ABI3BP: variants seen among roughly 807,000 people sequenced by gnomAD.
ABI3BP encodes the protein target of Nesh-SH3.
ABI3BP carries 216 observed loss-of-function variants against 268.6 expected under a neutral mutation model. The ratio of observed to expected loss-of-function variants is 0.80; its 90% CI spans 0.72 to 0.90. ABI3BP has a LOEUF of 0.90. Among genes scored for constraint, ABI3BP ranks in the 40% least tolerant of loss-of-function variants. The pLI is 0.00. For synonymous variants in ABI3BP, 730 were observed against 730.0 expected, an observed-to-expected ratio of 1.00 and a Z score of 0.00; for missense variants, 2,090 against 2,182.4, an observed-to-expected ratio of 0.96 and a Z score of 0.84.
chr3:100,915,433 A>G lies in ABI3BP; in HGVS notation c.259+10869T>C, dbSNP rs1348719262. On this transcript the variant is annotated intron_variant, in intron 2 of 67. Transcript: ENST00000471714. The stretch of plus-strand genomic sequence containing the variant: ...GACTGCTGCCGCCATGCCCGGCCAG[A>G]TGTCATTATGGAGGTGTGCACACCC... 2.6e-5 allele frequency among the ~76,000 whole-genome samples: 4 copies of G among 152,162 alleles called. 1 individual carries two copies. The South Asian group carries it at 8.3e-4, about 32-fold the overall frequency.
In ABI3BP at chr3:100,778,381, G is replaced by T; in HGVS notation, c.4241-5C>A. The T allele has an allele frequency of 1.2e-6, 2 of 1,611,986 alleles. No individual in the cohort carries two copies. The highest frequency in any genetic ancestry group is 1.7e-6 in the Non-Finnish European group (2 of 1,178,566). On this transcript the variant is annotated splice_region_variant and splice_polypyrimidine_tract_variant and intron_variant, in intron 58 of 67. Coordinates refer to ENST00000471714, the MANE Select transcript of ABI3BP (RefSeq NM_001375547.2). ...GCAAGGGTGGGCGGCGAGTCCCTGG[G>T]ATTGTGGATAAGAGATTGTATTTTA...
At chr3:100,976,863 C>T (rs2086477430) in intron 1 of ABI3BP, among the ~76,000 whole-genome samples, 1 of 151,840 alleles carries the variant, frequency 6.6e-6, no homozygotes, top group East Asian at 1.9e-4. Context: ...ATAGCAGGAC[C>T]AATACAGATC....
rs116535146 is a variant in ABI3BP, at chr3:100,862,467, G to A, written c.1211-82C>T. The A allele has an allele frequency of 1.0e-3, 934 of 906,248 alleles. 6 individuals are homozygous for A. In the African/African-American group the frequency reaches 0.014, roughly 13 times the overall value. 56.1% of individuals were successfully genotyped at this position (906,248 alleles called of 1,614,324 possible). ...CGAGACAGAAATAGGTTGCTGGTAT[G>A]GTTAAGTGGCTACCAGAAGCCTGCA... On this transcript the variant is annotated intron_variant, in intron 13 of 67. Coordinates refer to ENST00000471714, the MANE Select transcript of ABI3BP (RefSeq NM_001375547.2).
intron 31 of ABI3BP, 105 bp from the exon 32 acceptor site, chr3:100,830,739 A>G: frequency 1.2e-6 from 1 of 841,190 alleles, no homozygotes; most frequent in Non-Finnish European, 1.8e-6. Context: ...TGCAAAATTA[A>G]TTCTTAATAT....
intron 1 of ABI3BP, among the ~76,000 whole-genome samples, chr3:100,979,413 AT>A (rs549212750): frequency 4.6e-5 from 7 of 152,146 alleles, no homozygotes; most frequent in African/African-American, 9.6e-5. Context: ...GTTTCTTGCC[AT>A]TTTTTTTAAA....
chr3:100,754,528 G>T, intron 64 of ABI3BP, 84 bp downstream of exon 64: 1 of 1,340,086 alleles, frequency 7.5e-7, no homozygotes, highest in Non-Finnish European at 1.0e-6. Flanking sequence ...CATGTAGTGG[G>T]TTTCAAACAA....
At chr3:100,827,991 G>A (rs181167429) in intron 34 of ABI3BP, among the ~76,000 whole-genome samples, 29 of 151,896 alleles carry the variant, frequency 1.9e-4, no homozygotes, top group Admixed American at 3.3e-4. Context: ...TAGATGTTTG[G>A]GAATGGCTGC....
At chr3:100,806,233 T>C (rs2097701951) in intron 50 of ABI3BP, among the ~76,000 whole-genome samples, 1 of 152,092 alleles carries the variant, frequency 6.6e-6, no homozygotes, top group South Asian at 2.1e-4. Context: ...AGGTGGTGGA[T>C]GAACAAAATT....
rs368803089 is a variant in ABI3BP, at chr3:100,873,045, TA to T, written c.910+1795del. 3.7e-3 allele frequency among the ~76,000 whole-genome samples: 562 copies of T among 152,294 alleles called. 6 individuals are homozygous for T. Among genetic ancestry groups the T allele is most frequent in the African/African-American group, 0.013 (536 of 41,554 alleles). On this transcript the variant is annotated intron_variant, in intron 9 of 67. Coordinates refer to ENST00000471714, the MANE Select transcript of ABI3BP (RefSeq NM_001375547.2). ...CCAGTTAAGTGCTTTTCTACCAACT[TA>T]AGGCCTTCCTCTTCCTTCTTCCAGG...
At chr3:100,939,125 G>A (rs755671997) in intron 1 of ABI3BP, among the ~76,000 whole-genome samples, 1 of 152,032 alleles carries the variant, frequency 6.6e-6, no homozygotes, top group Non-Finnish European at 1.5e-5. Flanking sequence ...CAAAATCCCA[G>A]ATTCTCCATC....
At chr3:100,806,931 G>A (rs1017898931) in intron 50 of ABI3BP, among the ~76,000 whole-genome samples, 15 of 152,096 alleles carry the variant, frequency 9.9e-5, no homozygotes, top group African/African-American at 3.4e-4. Context: ...TAAGTACAAA[G>A]TACAGCTCAA....
intron 63 of ABI3BP, among the ~76,000 whole-genome samples, chr3:100,763,349 G>A (rs541704780): frequency 6.6e-6 from 1 of 151,830 alleles, no homozygotes; most frequent in East Asian, 1.9e-4. Context: ...CGTAATCCCA[G>A]CTACTTTGGA....
intron 1 of ABI3BP, among the ~76,000 whole-genome samples, chr3:100,936,105 C>T (rs1212918824): frequency 6.6e-6 from 1 of 152,086 alleles, no homozygotes. Context: ...ATGATATTGG[C>T]TGTGGGTTTG....
rs1406020865 is a variant in ABI3BP, at chr3:100,862,767, TA to T, written c.1210+70del. 2.8e-6 allele frequency: 3 copies of T among 1,064,232 alleles called. No individual in the cohort carries two copies. In the African/African-American group the frequency reaches 4.8e-5, roughly 17 times the overall value. 65.9% of individuals were successfully genotyped at this position (1,064,232 alleles called of 1,614,324 possible). On this transcript the variant is annotated intron_variant, in intron 13 of 67. Coordinates refer to ENST00000471714, the MANE Select transcript of ABI3BP (RefSeq NM_001375547.2). ...TGAGGTTTCCAGAAATAAGATGCAGTAAATGTGTCCTGCAGAATTAAGCAAT... is the reference window on the plus strand; with the variant it reads ...TGAGGTTTCCAGAAATAAGATGCAGTAATGTGTCCTGCAGAATTAAGCAAT...
intron 15 of ABI3BP, among the ~76,000 whole-genome samples, chr3:100,851,348 G>A (rs1164678004): frequency 2.0e-5 from 3 of 152,140 alleles, no homozygotes; most frequent in South Asian, 2.1e-4. Flanking sequence ...GGTTTCTCAC[G>A]TTAGCACTAT....
intron 4 of ABI3BP, among the ~76,000 whole-genome samples, chr3:100,896,428 G>C (rs190689097): frequency 2.0e-5 from 3 of 152,154 alleles, no homozygotes; most frequent in Non-Finnish European, 2.9e-5. Flanking sequence ...GTGTCAGTAG[G>C]ACAAAGTGAA....
At chr3:100,809,930 T>C (rs1292462689) in intron 49 of ABI3BP, among the ~76,000 whole-genome samples, 11 of 151,756 alleles carry the variant, frequency 7.2e-5, no homozygotes, top group Admixed American at 6.6e-4. Context: ...CAGAAAGGAG[T>C]GGAAAGAAGA....
At chr3:100,969,172 C>T (rs969752098) in intron 1 of ABI3BP, among the ~76,000 whole-genome samples, 57 of 152,178 alleles carry the variant, frequency 3.7e-4, no homozygotes, top group African/African-American at 1.2e-3. Context: ...GACTTCCACA[C>T]ATACAGCCTG....
intron 6 of ABI3BP, among the ~76,000 whole-genome samples, chr3:100,879,798 G>T (rs1374819518): frequency 1.3e-5 from 2 of 152,168 alleles, no homozygotes; most frequent in African/African-American, 4.8e-5. Context: ...ATCCAAAGAT[G>T]CATAAGGACT....
Sources: allele counts gnomAD v4.1 joint callset (sites outside exome capture counted in the v4.1 genomes callset), GRCh38; gene constraint gnomAD v4.1.1; transcripts MANE v1.5; gene names NCBI Gene and HGNC (gene_info 2026-07-23, HGNC 2026-07-21).